ZYX: variants seen among roughly 807,000 people sequenced by gnomAD.
ZYX encodes the protein zyxin-2.
A neutral mutation model predicts 58.1 loss-of-function variants in ZYX; 37 were observed. The ratio of observed to expected loss-of-function variants is 0.64; its 90% CI spans 0.49 to 0.84. ZYX has a LOEUF of 0.84. Ranked by LOEUF, ZYX falls within the 40% of genes least tolerant of loss-of-function variation. The pLI, the probability that ZYX is intolerant of heterozygous loss-of-function variation, is 0.00. For synonymous variants in ZYX, 324 were observed against 321.1 expected (o/e 1.01, Z -0.10); for missense variants, 762 against 761.6 (o/e 1.00, Z -0.01).
intron 2 of ZYX, chr7:143,382,046 G>T: frequency 1.7e-6 from 1 of 603,676 alleles, no homozygotes; most frequent in Non-Finnish European, 2.9e-6. Context: ...AAGTGTAACG[G>T]GAGCTGCACC....
intron 4 of ZYX, 39 bp downstream of exon 4, chr7:143,382,724 C>T: frequency 1.2e-6 from 2 of 1,614,036 alleles, no homozygotes; most frequent in Non-Finnish European, 1.7e-6. Flanking sequence ...GGCTCAGGGC[C>T]AGAGAGACTG....
At chr7:143,383,960 C>T (rs1436278664) in intron 5 of ZYX, 1 of 256,712 alleles carries the variant, frequency 3.9e-6, no homozygotes, top group Non-Finnish European at 7.9e-6. Context: ...CAATCTTTAA[C>T]ATTCTCTACT....
intron 2 of ZYX, chr7:143,382,033 C>G: frequency 1.6e-6 from 1 of 606,216 alleles, no homozygotes; most frequent in Non-Finnish European, 2.8e-6. Context: ...GGTCCGTTTT[C>G]CGAAGTGTAA....
At chr7:143,381,521 C>G in intron 1 of ZYX, 36 bp from the exon 2 acceptor site, 2 of 1,572,066 alleles carry the variant, frequency 1.3e-6, no homozygotes, top group South Asian at 1.2e-5. Flanking sequence ...CTCCTGAGCC[C>G]GGCTCCGCGC....
chr7:143,388,581 C>T lies in ZYX; in HGVS notation c.1237C>T (p.His413Tyr). 1 of 1,612,664 alleles carries T rather than the reference C, an allele frequency of 6.2e-7. No homozygotes were observed. Among genetic ancestry groups the T allele is most frequent in the Non-Finnish European group, 8.5e-7 (1 of 1,179,974 alleles). ...QLFHIACFTC[H>Y]QCAQQLQGQQ... ...GTTCCACATCGCCTGCTTCACCTGC[C>T]ACCAGTGTGCGCAGCAGCTCCAGGG... Residue 413 changes from histidine to tyrosine, a missense_variant, in exon 7 of 10, where the codon CAC (histidine) becomes TAC (tyrosine). By Grantham distance (83) the His-to-Tyr change is moderately conservative. Transcript: ENST00000322764. The surrounding 1 kb of genome is among the most constrained non-coding windows in gnomAD (Gnocchi z 7.5).
intron 5 of ZYX, among the ~76,000 whole-genome samples, chr7:143,386,424 C>T (rs190428938): frequency 6.6e-6 from 1 of 152,112 alleles, no homozygotes; most frequent in Non-Finnish European, 1.5e-5. Flanking sequence ...CAGGTGGGGG[C>T]TCAGGAGATG....
Position 143,381,560 on chromosome 7 carries a change from C to T in ZYX, c.-12C>T. ...GTAACCCGGCGACCCACCCCAGCAG[C>T]CCGGCCCGGCCATGGCGGCCCCCCG... On this transcript the variant is annotated 5_prime_UTR_variant, in exon 2 of 10. Coordinates refer to ENST00000322764, the MANE Select transcript of ZYX (RefSeq NM_003461.5). 1.2e-6 allele frequency: 2 copies of T among 1,608,136 alleles called. No individual in the cohort carries two copies. The highest frequency in any genetic ancestry group is 1.7e-6 in the Non-Finnish European group (2 of 1,177,740).
In ZYX at chr7:143,388,666, G is replaced by C; in HGVS notation, c.1314+8G>C. ...TGCGAGGGCTGTTACACTGTGAGTC[G>C]GGCTGTGCTGGGCTGTGCTGGGCTG... is the stretch of plus-strand genomic sequence containing the variant. On this transcript the variant is annotated splice_region_variant and intron_variant, in intron 7 of 9. Coordinates refer to ENST00000322764, the MANE Select transcript of ZYX (RefSeq NM_003461.5). The surrounding 1 kb of genome is among the most constrained non-coding windows in gnomAD (Gnocchi z 7.5). 6.3e-7 allele frequency: 1 copy of C among 1,594,248 alleles called. No individual in the cohort carries two copies. Among genetic ancestry groups the C allele is most frequent in the Non-Finnish European group, 8.6e-7 (1 of 1,168,554 alleles).
At position 143,391,006 on chromosome 7, in the gene ZYX, C is replaced by T. The variant is rs1430046984; in HGVS notation, c.*324C>T. The T allele has an allele frequency of 8.3e-6, 3 of 362,000 alleles. No homozygotes were observed. Among genetic ancestry groups the T allele is most frequent in the Non-Finnish European group, 1.5e-5 (3 of 194,650 alleles). 22.4% of individuals were successfully genotyped at this position (362,000 alleles called of 1,614,324 possible). The stretch of plus-strand genomic sequence containing the variant: ...GCCGGCCCCCCGAGCAGCCTTTGTA[C>T]TCTGCTTGCGGAGGGCTGGGAGACC... On this transcript the variant is annotated 3_prime_UTR_variant, in exon 10 of 10. Coordinates refer to ENST00000322764, the MANE Select transcript of ZYX (RefSeq NM_003461.5).
Position 143,387,913 on chromosome 7 carries a change from CTG to C in ZYX, c.1024-301_1024-300del. ...TCCGGTGCTTCAGTGACCCGAGCTG[CTG>C]TGTGCGTGGCCTCCGTCCGCCCAGT... On this transcript the variant is annotated intron_variant, in intron 5 of 9. Transcript: ENST00000322764. This position sits in a 1 kb window ranked among gnomAD's most constrained non-coding sequence, Gnocchi z 5.8. 1.9e-6 allele frequency: 1 copy of C among 519,852 alleles called. No individual in the cohort carries two copies. Among genetic ancestry groups the C allele is most frequent in the Admixed American group, 2.3e-5 (1 of 44,240 alleles). The allele number at this position is 519,852 out of a possible 1,614,324, so 32.2% of individuals were successfully genotyped here. A position where few individuals can be genotyped will look rare whatever the true frequency, so the allele number is the denominator to read the frequency against.
chr7:143,382,470 G>T, intron 3 of ZYX, 23 bp downstream of exon 3: 2 of 1,591,332 alleles, frequency 1.3e-6, no homozygotes, highest in Middle Eastern at 2.0e-4. Flanking sequence ...GGGAGGGGCG[G>T]CTGCACTGGA....
At chr7:143,383,488 T>C (rs964266479) in intron 5 of ZYX, among the ~76,000 whole-genome samples, 166 bp downstream of exon 5, 3 of 151,712 alleles carry the variant, frequency 2.0e-5, no homozygotes, top group African/African-American at 7.3e-5. Flanking sequence ...GGTGGAACAA[T>C]GGTAGGAAAA....
Position 143,389,721 on chromosome 7 carries a change from C to G in ZYX, c.1494-136C>G. On this transcript the variant is annotated intron_variant, in intron 8 of 9. Coordinates refer to ENST00000322764, the MANE Select transcript of ZYX (RefSeq NM_003461.5). The surrounding 1 kb of genome is among the most constrained non-coding windows in gnomAD (Gnocchi z 5.6). ...CAGTCATGGTGTCTCACTCTTAGGC[C>G]CTTCTGGTGAGCTTCCTTCACCTGG... is the stretch of plus-strand genomic sequence containing the variant. 1 of 1,276,140 alleles carries G rather than the reference C, an allele frequency of 7.8e-7. No homozygotes were observed. The highest frequency in any genetic ancestry group is 1.4e-5 in the South Asian group (1 of 70,322). 79.1% of individuals were successfully genotyped at this position (1,276,140 alleles called of 1,614,324 possible).
chr7:143,386,112 G>A (rs1287482871), intron 5 of ZYX, among the ~76,000 whole-genome samples: 1 of 151,940 alleles, frequency 6.6e-6, no homozygotes, highest in East Asian at 1.9e-4. Context: ...GTGAGGGTGT[G>A]TGTGTTTGAG....
At position 143,382,922 on chromosome 7, in the gene ZYX, C is replaced by G. The variant is rs749965281; in HGVS notation, c.623C>G (p.Pro208Arg). Residue 208 changes from proline to arginine, a missense_variant, in exon 5 of 10, where the codon CCT (proline) becomes CGT (arginine). Coordinates refer to ENST00000322764, the MANE Select transcript of ZYX (RefSeq NM_003461.5). Reference sequence around the variant, plus strand: ...TGGAAGTCCCCTTCCAGCTCCCAGCCTCTGCCCCAGGTTCCGGCTCCGGCT... The same window carrying G: ...TGGAAGTCCCCTTCCAGCTCCCAGCGTCTGCCCCAGGTTCCGGCTCCGGCT... ...PPWKSPSSSQ[P>R]LPQVPAPAQS... is the part of the protein sequence containing the mutation. 1 of 1,614,114 alleles carries G rather than the reference C, an allele frequency of 6.2e-7. No individual in the cohort carries two copies.
intron 1 of ZYX, 26 bp downstream of exon 1, chr7:143,381,435 G>A (rs933174247): frequency 1.6e-4 from 198 of 1,275,198 alleles, no homozygotes; most frequent in Non-Finnish European, 1.8e-4. Context: ...CGGCAGGGCG[G>A]CCCCACGGGG....
At position 143,381,794 on chromosome 7, in the gene ZYX, T is replaced by G. The variant is rs1364819868; in HGVS notation, c.208+15T>G. 1.3e-6 allele frequency: 2 copies of G among 1,538,228 alleles called. No homozygotes were observed. Among genetic ancestry groups the G allele is most frequent in the South Asian group, 2.4e-5 (2 of 84,170 alleles). The stretch of plus-strand genomic sequence containing the variant: ...GCCCCCGGAAGGTATGCGGCGGGGC[T>G]TGGGGAATGTACCCCGGCAGGAGCC... On this transcript the variant is annotated intron_variant, in intron 2 of 9. Transcript: ENST00000322764.
In ZYX at chr7:143,381,393, G is replaced by A; in HGVS notation, c.-32G>A. The A allele has an allele frequency of 8.4e-7, 1 of 1,188,266 alleles. No individual in the cohort carries two copies. The highest frequency in any genetic ancestry group is 4.0e-5 in the South Asian group (1 of 24,974). The allele number at this position is 1,188,266 out of a possible 1,614,324, so 73.6% of individuals were successfully genotyped here. A position where few individuals can be genotyped will look rare whatever the true frequency, so the allele number is the denominator to read the frequency against. On this transcript the variant is annotated 5_prime_UTR_variant, in exon 1 of 10. Transcript: ENST00000322764. ...GAGGCGGCCACCCGAGACGCGGCGCGCACGCTCCGGCCTGCGGTGAGGCGC... is the reference window on the plus strand; with the variant it reads ...GAGGCGGCCACCCGAGACGCGGCGCACACGCTCCGGCCTGCGGTGAGGCGC...
chr7:143,390,923 A>C lies in ZYX; in HGVS notation c.*241A>C. 2.0e-6 allele frequency: 1 copy of C among 508,706 alleles called. No individual in the cohort carries two copies. Among genetic ancestry groups the C allele is most frequent in the Non-Finnish European group, 3.6e-6 (1 of 280,398 alleles). 31.5% of individuals were successfully genotyped at this position (508,706 alleles called of 1,614,324 possible). A position where few individuals can be genotyped will look rare whatever the true frequency, so the allele number is the denominator to read the frequency against. ...TTGCCCACCGTCTTCCAGACACCCCACCTGAGGGGGGCACCAGGTTTAGTG... is the reference window on the plus strand; with the variant it reads ...TTGCCCACCGTCTTCCAGACACCCCCCCTGAGGGGGGCACCAGGTTTAGTG... On this transcript the variant is annotated 3_prime_UTR_variant, in exon 10 of 10. Transcript: ENST00000322764. The surrounding 1 kb of genome is among the most constrained non-coding windows in gnomAD (Gnocchi z 4.3).
Sources: gnomAD v4.1 joint callset for allele counts (sites outside exome capture counted in the v4.1 genomes callset) on GRCh38, gnomAD v4.1.1 for gene constraint, Gnocchi (gnomAD v3.1) non-coding constraint, MANE v1.5 for transcripts, NCBI Gene and HGNC (gene_info 2026-07-23, HGNC 2026-07-21) for gene names.